Variants in SPIDR observed in about 807,000 individuals in gnomAD.
The protein encoded by SPIDR is DNA repair-scaffolding protein.
Under a neutral mutation model 104.6 loss-of-function variants are expected in SPIDR, and 93 were observed. The ratio of observed to expected loss-of-function variants is 0.89; its 90% CI spans 0.75 to 1.06. SPIDR has a LOEUF of 1.06. Ranked by LOEUF, SPIDR falls within the 50% of genes least tolerant of loss-of-function variation. The pLI, the probability that SPIDR is intolerant of heterozygous loss-of-function variation, is 0.00. For missense variants in SPIDR, 1,154 were observed against 1,111.2 expected (o/e 1.04, Z -0.55); for synonymous variants, 431 against 416.9 (o/e 1.03, Z -0.41).
At chr8:47,647,615 A>AG (rs1282359608) in intron 10 of SPIDR, among the ~76,000 whole-genome samples, 102 of 133,866 alleles carry the variant, frequency 7.6e-4, no homozygotes, top group African/African-American at 2.1e-3. Context: ...CTCCATCTCG[A>AG]AAGAGAGAGA....
chr8:47,593,383 A>C (rs1031217731), intron 8 of SPIDR, among the ~76,000 whole-genome samples: 3 of 151,624 alleles, frequency 2.0e-5, no homozygotes, highest in Non-Finnish European at 4.4e-5. Flanking sequence ...TTATTTGCTG[A>C]GACTATTTTT....
intron 11 of SPIDR, among the ~76,000 whole-genome samples, chr8:47,674,239 C>T (rs2154472651): frequency 6.6e-6 from 1 of 152,252 alleles, no homozygotes; most frequent in East Asian, 1.9e-4. Flanking sequence ...GTTTTCTTCA[C>T]TATAACAATA....
intron 6 of SPIDR, among the ~76,000 whole-genome samples, chr8:47,405,787 AT>A (rs531558796): frequency 6.6e-6 from 1 of 152,046 alleles, no homozygotes; most frequent in Non-Finnish European, 1.5e-5. Context: ...GTATGACTTA[AT>A]TTTTTTTAAC....
chr8:47,453,759 A>T (rs1468974622), intron 8 of SPIDR, among the ~76,000 whole-genome samples: 1 of 152,190 alleles, frequency 6.6e-6, no homozygotes, highest in Non-Finnish European at 1.5e-5. Flanking sequence ...AAAACCCTAG[A>T]AGAAAACCTA....
At chr8:47,449,124 A>C (rs1415491890) in intron 8 of SPIDR, among the ~76,000 whole-genome samples, 10 of 152,158 alleles carry the variant, frequency 6.6e-5, no homozygotes, top group Admixed American at 6.5e-4. Flanking sequence ...ATGATGGTGA[A>C]TAGTGGATTT....
At chr8:47,577,976 G>T (rs1232824161) in intron 8 of SPIDR, among the ~76,000 whole-genome samples, 1 of 152,196 alleles carries the variant, frequency 6.6e-6, no homozygotes, top group African/African-American at 2.4e-5. Context: ...GTTGGCCTGG[G>T]AAGAGTAGTG....
chr8:47,404,315 A>G (rs781784783), intron 6 of SPIDR, among the ~76,000 whole-genome samples: 3 of 152,250 alleles, frequency 2.0e-5, no homozygotes, highest in Non-Finnish European at 4.4e-5. Context: ...CTAAAACACC[A>G]AAAGCAATGG....
chr8:47,358,343 C>T (rs2054993570), intron 5 of SPIDR, among the ~76,000 whole-genome samples: 1 of 152,190 alleles, frequency 6.6e-6, no homozygotes. Context: ...CCGCCTCAGC[C>T]TCCTGAGTTG....
chr8:47,366,186 A>G (rs116257492), intron 5 of SPIDR, among the ~76,000 whole-genome samples: 46 of 152,230 alleles, frequency 3.0e-4, no homozygotes, highest in African/African-American at 1.1e-3. Context: ...TCTGCCTGAG[A>G]GAGCAGCTGA....
intron 10 of SPIDR, among the ~76,000 whole-genome samples, chr8:47,601,807 G>T (rs570313762): frequency 1.5e-4 from 23 of 152,222 alleles, no homozygotes; most frequent in Non-Finnish European, 3.4e-4. Context: ...GGGAGACTTG[G>T]TTGGACTGTG....
intron 8 of SPIDR, among the ~76,000 whole-genome samples, chr8:47,530,108 A>G (rs2085704627): frequency 6.6e-6 from 1 of 152,224 alleles, no homozygotes; most frequent in Non-Finnish European, 1.5e-5. Context: ...CCTAGGCTAC[A>G]CACTTGTATA....
chr8:47,491,043 A>ACTTTCT (rs2078624000), intron 8 of SPIDR, among the ~76,000 whole-genome samples: 1 of 152,198 alleles, frequency 6.6e-6, no homozygotes, highest in East Asian at 1.9e-4. Context: ...ACGTGTCAAA[A>ACTTTCT]ACATTTTTAG....
intron 7 of SPIDR, among the ~76,000 whole-genome samples, chr8:47,408,362 A>C (rs1554668801): frequency 1.3e-5 from 2 of 152,148 alleles, no homozygotes; most frequent in Non-Finnish European, 2.9e-5. Context: ...GGGCTCAAGC[A>C]AATTCTCTCA....
At chr8:47,415,964 T>C (rs2064203500) in intron 7 of SPIDR, among the ~76,000 whole-genome samples, 1 of 152,062 alleles carries the variant, frequency 6.6e-6, no homozygotes, top group Non-Finnish European at 1.5e-5. Context: ...TTCCATAGTT[T>C]GTTATCTAAA....
intron 8 of SPIDR, among the ~76,000 whole-genome samples, chr8:47,476,433 C>T (rs782065205): frequency 6.6e-5 from 10 of 152,126 alleles, no homozygotes; most frequent in Non-Finnish European, 1.2e-4. Flanking sequence ...ACCCAGCATG[C>T]GGCCAATAAG....
chr8:47,568,577 G>C (rs2058161975), intron 8 of SPIDR, among the ~76,000 whole-genome samples: 1 of 152,184 alleles, frequency 6.6e-6, no homozygotes, highest in Non-Finnish European at 1.5e-5. Context: ...CATTGTAGCA[G>C]CTACCATCTT....
chr8:47,301,426 A>G (rs1251107031), intron 5 of SPIDR, among the ~76,000 whole-genome samples: 1 of 151,996 alleles, frequency 6.6e-6, no homozygotes, highest in Non-Finnish European at 1.5e-5. Flanking sequence ...TTTTTATTGG[A>G]GCATTTAGCC....
At chr8:47,712,518 A>C in intron 14 of SPIDR, 144 bp from the exon 15 acceptor site, 1 of 977,594 alleles carries the variant, frequency 1.0e-6, no homozygotes, top group Non-Finnish European at 1.5e-6. Flanking sequence ...CTAGTGACCA[A>C]GATGTGCAAA....
chr8:47,508,840 G>C (rs1399813166), intron 8 of SPIDR, among the ~76,000 whole-genome samples: 1 of 152,130 alleles, frequency 6.6e-6, no homozygotes, highest in Non-Finnish European at 1.5e-5. Flanking sequence ...GAGAAGTCCG[G>C]TTGTTTCTTT....
Sources: allele counts gnomAD v4.1 joint callset (sites outside exome capture counted in the v4.1 genomes callset), GRCh38; gene constraint gnomAD v4.1.1; transcripts MANE v1.5; gene names NCBI Gene and HGNC (gene_info 2026-07-23, HGNC 2026-07-21).